SHROOM3: variants seen among roughly 807,000 people sequenced by gnomAD.
SHROOM3 encodes the protein shroom family member 3, also known as protein Shroom3.
A neutral mutation model predicts 138.6 loss-of-function variants in SHROOM3; 47 were observed. The ratio of observed to expected loss-of-function variants is 0.34; its 90% CI spans 0.27 to 0.43. The LOEUF is 0.43. SHROOM3 is among the 20% of genes least tolerant of loss of function. The pLI is 1.00. For missense variants in SHROOM3, 2,491 were observed against 2,596.5 expected (o/e 0.96, Z 0.88); for synonymous variants, 1,062 against 1,063.3 (o/e 1.00, Z 0.02).
At chr4:76,707,255 C>A (rs956651983) in intron 2 of SHROOM3, among the ~76,000 whole-genome samples, 1 of 152,106 alleles carries the variant, frequency 6.6e-6, no homozygotes, top group African/African-American at 2.4e-5. Context: ...ATTTTTGAAA[C>A]CTGCCAAACT....
chr4:76,530,245 A>G (rs4413432), intron 1 of SHROOM3, among the ~76,000 whole-genome samples: 87,849 of 152,094 alleles, frequency 0.58, 26,011 homozygotes, highest in African/African-American at 0.7. Flanking sequence ...GTGATAACAC[A>G]GAGATTAACA....
At chr4:76,770,541 G>C in intron 9 of SHROOM3, 85 bp from the exon 10 acceptor site, 1 of 1,528,248 alleles carries the variant, frequency 6.5e-7, no homozygotes, top group South Asian at 1.1e-5. Flanking sequence ...CCTTGAAGAT[G>C]ACAGAAGGTG....
intron 1 of SHROOM3, among the ~76,000 whole-genome samples, chr4:76,478,303 C>T (rs941153931): frequency 7.2e-5 from 11 of 152,250 alleles, no homozygotes; most frequent in East Asian, 1.9e-4. Flanking sequence ...GAGGGGCATC[C>T]GCCATTACCA....
At chr4:76,460,931 A>G (rs1731129533) in intron 1 of SHROOM3, among the ~76,000 whole-genome samples, 1 of 151,140 alleles carries the variant, frequency 6.6e-6, no homozygotes, top group African/African-American at 2.4e-5. Context: ...AAGTCAAGGC[A>G]GTAGTGAGCC....
intron 2 of SHROOM3, among the ~76,000 whole-genome samples, chr4:76,687,894 C>G (rs180688269): frequency 6.6e-6 from 1 of 152,132 alleles, no homozygotes; most frequent in Non-Finnish European, 1.5e-5. Context: ...ACTTAGAAAA[C>G]AAGATAAAGC....
At chr4:76,502,074 G>A (rs943482414) in intron 1 of SHROOM3, among the ~76,000 whole-genome samples, 11 of 152,010 alleles carry the variant, frequency 7.2e-5, no homozygotes, top group African/African-American at 1.2e-4. Context: ...GGGTTATTAC[G>A]GTACTGGAAC....
intron 3 of SHROOM3, among the ~76,000 whole-genome samples, chr4:76,730,381 A>G (rs1031943899): frequency 5.3e-5 from 8 of 152,220 alleles, no homozygotes; most frequent in African/African-American, 1.9e-4. Context: ...ATGTTTTGCC[A>G]TATATCCAAA....
rs1287617055 is a variant in SHROOM3 at position 76,770,791 on chromosome 4, G to C, written c.5515G>C (p.Gly1839Arg). Residue 1839 changes from glycine (G) to arginine (R), a missense_variant, in exon 10 of 11, where the codon GGG becomes CGG. Transcript: ENST00000296043. ...NEFDKYRMFI[G>R]DLDKVVNLLL... is the part of the protein sequence containing the mutation. ...GTTTGACAAGTATAGGATGTTCATA[G>C]GGGATTTGGACAAGGTGGTCAACCT... The C allele has an allele frequency of 4.3e-6, 7 of 1,614,116 alleles. No individual in the cohort carries two copies.
At chr4:76,561,137 A>G (rs1733587881) in intron 2 of SHROOM3, among the ~76,000 whole-genome samples, 1 of 152,110 alleles carries the variant, frequency 6.6e-6, no homozygotes, top group Admixed American at 6.6e-5. Context: ...CCCCTTTTCA[A>G]AATGGAATCT....
At chr4:76,524,051 CA>C (rs1219492682) in intron 1 of SHROOM3, among the ~76,000 whole-genome samples, 1 of 152,138 alleles carries the variant, frequency 6.6e-6, no homozygotes, top group African/African-American at 2.4e-5. Flanking sequence ...ACTGGTGGGA[CA>C]AGCGGACAAG....
intron 1 of SHROOM3, among the ~76,000 whole-genome samples, chr4:76,546,142 A>G (rs1255677997): frequency 6.6e-6 from 1 of 152,242 alleles, no homozygotes; most frequent in Non-Finnish European, 1.5e-5. Flanking sequence ...GTCTTATAGT[A>G]ATGCAGAGCA....
In SHROOM3 at chr4:76,770,851, G is replaced by C; in HGVS notation, c.5575G>C (p.Glu1859Gln). The change falls in exon 10 of 11, where the codon GAG becomes CAG. Residue 1859 changes from glutamate to glutamine, a missense_variant. By Grantham distance (29) the Glu-to-Gln change is conservative. Transcript: ENST00000296043. The stretch of plus-strand genomic sequence containing the variant: ...CCTCTCGGGGCGTCTAGCCCGTGTT[G>C]AGAATGTCCTTAGCGGCCTTGGTGA... ...LSLSGRLARV[E>Q]NVLSGLGEDA... The C allele has an allele frequency of 6.2e-7, 1 of 1,614,240 alleles. No homozygotes were observed. The highest frequency in any genetic ancestry group is 8.5e-7 in the Non-Finnish European group (1 of 1,180,040).
chr4:76,556,838 C>T (rs1429224176), intron 2 of SHROOM3, among the ~76,000 whole-genome samples: 1 of 152,180 alleles, frequency 6.6e-6, no homozygotes, highest in African/African-American at 2.4e-5. Context: ...CTCAGGGGAA[C>T]AGCAGCTCCT....
At chr4:76,489,436 G>T (rs1459387713) in intron 1 of SHROOM3, among the ~76,000 whole-genome samples, 1 of 152,184 alleles carries the variant, frequency 6.6e-6, no homozygotes, top group Non-Finnish European at 1.5e-5. Flanking sequence ...TTTAATCTCT[G>T]CTACTTAAAA....
At chr4:76,692,548 C>T (rs1719585946) in intron 2 of SHROOM3, among the ~76,000 whole-genome samples, 1 of 152,182 alleles carries the variant, frequency 6.6e-6, no homozygotes, top group Admixed American at 6.5e-5. Flanking sequence ...AAATGTCCAC[C>T]AATGACTTGT....
intron 2 of SHROOM3, among the ~76,000 whole-genome samples, chr4:76,607,238 G>T (rs1734641365): frequency 6.6e-6 from 1 of 152,116 alleles, no homozygotes; most frequent in Non-Finnish European, 1.5e-5. Flanking sequence ...GTCCTTCTGG[G>T]TCTAGGAGAT....
intron 1 of SHROOM3, among the ~76,000 whole-genome samples, chr4:76,551,620 G>A (rs1348169126): frequency 1.3e-5 from 2 of 152,084 alleles, no homozygotes; most frequent in Non-Finnish European, 2.9e-5. Context: ...TGCTGGGGGA[G>A]GAAAGGATGG....
intron 2 of SHROOM3, among the ~76,000 whole-genome samples, chr4:76,597,683 T>G (rs1343849280): frequency 6.6e-6 from 1 of 152,128 alleles, no homozygotes; most frequent in Non-Finnish European, 1.5e-5. Flanking sequence ...GAAGCTGAAA[T>G]CCAAGATGTT....
At chr4:76,596,119 C>T (rs545508890) in intron 2 of SHROOM3, among the ~76,000 whole-genome samples, 5 of 152,200 alleles carry the variant, frequency 3.3e-5, no homozygotes, top group African/African-American at 1.2e-4. Context: ...AATGATGGAC[C>T]CCATGCATGA....
Sources: allele counts gnomAD v4.1 joint callset (sites outside exome capture counted in the v4.1 genomes callset), GRCh38; gene constraint gnomAD v4.1.1; transcripts MANE v1.5; gene names NCBI Gene and HGNC (gene_info 2026-07-23, HGNC 2026-07-21).